PACS2: variants seen among roughly 807,000 people sequenced by gnomAD.
The protein encoded by PACS2 is PACS1-like protein.
In PACS2, 36 loss-of-function variants were observed where a neutral mutation model predicts 113.0. The ratio of observed to expected loss-of-function variants is 0.32; its 90% CI spans 0.24 to 0.42. The LOEUF is 0.42. PACS2 is among the 10% of genes least tolerant of loss of function. The pLI is 1.00. For synonymous variants in PACS2, 589 were observed against 536.1 expected (o/e 1.10, Z -1.36); for missense variants, 1,015 against 1,239.5 (o/e 0.82, Z 2.72).
Position 105,355,077 on chromosome 14 carries a change from G to A in PACS2, c.323G>A (p.Gly108Asp). ...TATCCTCACTTCTTGAAGAGGGAAGGCAACAAGCTTCAGATCATGCTGCAG... is the reference window on the plus strand; with the variant it reads ...TATCCTCACTTCTTGAAGAGGGAAGACAACAAGCTTCAGATCATGCTGCAG... ...LQYPHFLKRE[G>D]NKLQIMLQRR... Residue 108 changes from glycine to aspartate, a missense_variant, in exon 4 of 25, where the codon GGC becomes GAC. Gly to Asp is a moderately conservative substitution (Grantham distance 94). Around this residue, in one of 3 missense-constraint regions of PACS2, gnomAD observed 140 missense variants for 135.1 expected, o/e 1.04. Transcript: ENST00000447393. The surrounding 1 kb of genome is among the most constrained non-coding windows in gnomAD (Gnocchi z 4.1). The A allele has an allele frequency of 6.2e-7, 1 of 1,613,554 alleles. No individual in the cohort carries two copies. Among genetic ancestry groups the A allele is most frequent in the Non-Finnish European group, 8.5e-7 (1 of 1,179,894 alleles).
chr14:105,397,342 G>GT lies in PACS2; in HGVS notation c.*2670_*2671insT, dbSNP rs1555417167. On this transcript the variant is annotated 3_prime_UTR_variant, in exon 25 of 25. Coordinates refer to ENST00000447393, the MANE Select transcript of PACS2 (RefSeq NM_001100913.3). ...CCATCTGACAGCCAGTGCGGTAAGG[G>GT]CGGGGGATGTGTGTGTGAGGTGTGC... 6.6e-6 allele frequency: 1 copy of GT among 152,496 alleles called. No homozygotes were observed. Among genetic ancestry groups the GT allele is most frequent in the Admixed American group, 6.5e-5 (1 of 15,288 alleles). 9.4% of individuals were successfully genotyped at this position (152,496 alleles called of 1,614,324 possible).
Position 105,354,964 on chromosome 14 carries a change from G to A in PACS2, c.298-88G>A. The A allele has an allele frequency of 7.1e-7, 1 of 1,407,008 alleles. No individual in the cohort carries two copies. Among genetic ancestry groups the A allele is most frequent in the Non-Finnish European group, 9.8e-7 (1 of 1,023,642 alleles). The allele number at this position is 1,407,008 out of a possible 1,614,324, so 87.2% of individuals were successfully genotyped here. A position where few individuals can be genotyped will look rare whatever the true frequency, so the allele number is the denominator to read the frequency against. ...TGGGCAGCAGGTTGGCCTGGTCGCA[G>A]GCTGCAGGGTGGCTGGGCCGTCAGA... On this transcript the variant is annotated intron_variant, in intron 3 of 24. Coordinates refer to ENST00000447393, the MANE Select transcript of PACS2 (RefSeq NM_001100913.3). The surrounding 1 kb of genome is among the most constrained non-coding windows in gnomAD (Gnocchi z 4.2).
intron 24 of PACS2, among the ~76,000 whole-genome samples, chr14:105,393,929 C>G (rs2081451915): frequency 1.3e-5 from 2 of 151,056 alleles, no homozygotes; most frequent in Admixed American, 1.3e-4. Flanking sequence ...GTTGGCTGAG[C>G]GCAGAGGCTG....
Position 105,376,121 on chromosome 14 carries a change from G to A in PACS2, c.802-647G>A, listed in dbSNP as rs77852993. Among the ~76,000 whole-genome samples, 2,990 of 152,174 alleles carry A rather than the reference G, an allele frequency of 0.02. 59 individuals carry two copies. The highest frequency in any genetic ancestry group is 0.026 in the Non-Finnish European group (1,744 of 67,998). ...ATGTGCTCATTATCATGAGAACAGC[G>A]TGGAGGAAACCACCCCCAGGATCCA... On this transcript the variant is annotated intron_variant, in intron 8 of 24. Transcript: ENST00000447393. The surrounding 1 kb of genome is among the most constrained non-coding windows in gnomAD (Gnocchi z 4.7).
In PACS2 at chr14:105,385,669, G is replaced by T. The variant is rs961067834; in HGVS notation, c.2001-16G>T. On this transcript the variant is annotated splice_polypyrimidine_tract_variant and intron_variant, in intron 18 of 24. Coordinates refer to ENST00000447393, the MANE Select transcript of PACS2 (RefSeq NM_001100913.3). ...CGTAACGTGTCTGTTTTCTCTTTTGGTGGCTTTCTGAAAAGGAAAAAGCAT... is the reference window on the plus strand; with the variant it reads ...CGTAACGTGTCTGTTTTCTCTTTTGTTGGCTTTCTGAAAAGGAAAAAGCAT... 3 of 1,517,680 alleles carry T rather than the reference G, an allele frequency of 2.0e-6. No homozygotes were observed. The highest frequency in any genetic ancestry group is 2.6e-6 in the Non-Finnish European group (3 of 1,135,092). 94.0% of individuals were successfully genotyped at this position (1,517,680 alleles called of 1,614,324 possible). A position where few individuals can be genotyped will look rare whatever the true frequency, so the allele number is the denominator to read the frequency against.
At chr14:105,350,241 G>A (rs587635666) in intron 2 of PACS2, among the ~76,000 whole-genome samples, 2 of 152,148 alleles carry the variant, frequency 1.3e-5, no homozygotes, top group African/African-American at 4.8e-5. Context: ...TCTTGGCTTG[G>A]GGGGCAGGGG....
intron 20 of PACS2, chr14:105,390,936 A>G (rs1178695472): frequency 3.8e-6 from 2 of 525,546 alleles, no homozygotes; most frequent in African/African-American, 1.9e-5. Flanking sequence ...CTGCACACAT[A>G]GTTTGCAGCT....
rs1360983296 is a variant in PACS2 at position 105,357,265 on chromosome 14, C to G, written c.423+2088C>G. On this transcript the variant is annotated intron_variant, in intron 4 of 24. Coordinates refer to ENST00000447393, the MANE Select transcript of PACS2 (RefSeq NM_001100913.3). The surrounding 1 kb of genome is among the most constrained non-coding windows in gnomAD (Gnocchi z 5.1). ...CCCGGGGAGAGGCTGGAGCAACCTT[C>G]CCCCACCCCAGGTCACACCAGCCAC... is the stretch of plus-strand genomic sequence containing the variant. Among the ~76,000 whole-genome samples the G allele has an allele frequency of 6.6e-6, 1 of 152,042 alleles. No homozygotes were observed. Among genetic ancestry groups the G allele is most frequent in the Non-Finnish European group, 1.5e-5 (1 of 67,996 alleles).
At chr14:105,384,714 C>T (rs1438679159) in intron 17 of PACS2, among the ~76,000 whole-genome samples, 165 bp from the exon 18 acceptor site, 1 of 152,204 alleles carries the variant, frequency 6.6e-6, no homozygotes, top group Non-Finnish European at 1.5e-5. Flanking sequence ...TGCCCTGGTA[C>T]TGCCTCGAGA....
At chr14:105,307,613 C>A (rs890871827) in intron 1 of PACS2, among the ~76,000 whole-genome samples, 30 of 152,354 alleles carry the variant, frequency 2.0e-4, no homozygotes, top group African/African-American at 7.2e-4. Flanking sequence ...CCTGTCCCCC[C>A]ATGCAGCAGT....
rs964518820 is a variant in PACS2, at chr14:105,356,061, G to A, written c.423+884G>A. ...CCAGCGCAGCCCCTCATTGGGAGCC[G>A]GAGATGCCAGAGCCCCCCAGCCCCT... On this transcript the variant is annotated intron_variant, in intron 4 of 24. Transcript: ENST00000447393. The surrounding 1 kb of genome is among the most constrained non-coding windows in gnomAD (Gnocchi z 4.0). Among the ~76,000 whole-genome samples, 1 of 152,144 alleles carries A rather than the reference G, an allele frequency of 6.6e-6. No homozygotes were observed. Among genetic ancestry groups the A allele is most frequent in the African/African-American group, 2.4e-5 (1 of 41,430 alleles).
At chr14:105,353,952 C>T (rs1210066447) in intron 3 of PACS2, among the ~76,000 whole-genome samples, 1 of 151,742 alleles carries the variant, frequency 6.6e-6, no homozygotes, top group Non-Finnish European at 1.5e-5. Flanking sequence ...TGGCTCATGC[C>T]TGTAATCCCA....
At position 105,348,284 on chromosome 14, in the gene PACS2, C is replaced by T. The variant is rs1555403094; in HGVS notation, c.120-209C>T. 6.6e-6 allele frequency among the ~76,000 whole-genome samples: 1 copy of T among 152,172 alleles called. No individual in the cohort carries two copies. Among genetic ancestry groups the T allele is most frequent in the Non-Finnish European group, 1.5e-5 (1 of 68,012 alleles). Reference sequence around the variant, plus strand: ...GAGATGGGACCTCTGGCCCGGCAGCCAACGGATGCTGAGGGGTGCCCACCA... The same window carrying T: ...GAGATGGGACCTCTGGCCCGGCAGCTAACGGATGCTGAGGGGTGCCCACCA... On this transcript the variant is annotated intron_variant, in intron 1 of 24. Coordinates refer to ENST00000447393, the MANE Select transcript of PACS2 (RefSeq NM_001100913.3). The surrounding 1 kb of genome is among the most constrained non-coding windows in gnomAD (Gnocchi z 6.4).
Position 105,376,080 on chromosome 14 carries a change from C to T in PACS2, c.802-688C>T, listed in dbSNP as rs1404818327. On this transcript the variant is annotated intron_variant, in intron 8 of 24. Coordinates refer to ENST00000447393, the MANE Select transcript of PACS2 (RefSeq NM_001100913.3). This position sits in a 1 kb window ranked among gnomAD's most constrained non-coding sequence, Gnocchi z 4.7. ...GGGAAATACAAGATGCTTATAAAAC[C>T]ATCAGATCTCTTAAGATGTGCTCAT... Among the ~76,000 whole-genome samples, 1 of 152,064 alleles carries T rather than the reference C, an allele frequency of 6.6e-6. No homozygotes were observed. Among genetic ancestry groups the T allele is most frequent in the East Asian group, 1.9e-4 (1 of 5,184 alleles).
At chr14:105,393,018 G>A (rs1194059563) in intron 23 of PACS2, among the ~76,000 whole-genome samples, 173 bp downstream of exon 23, 1 of 152,208 alleles carries the variant, frequency 6.6e-6, no homozygotes, top group African/African-American at 2.4e-5. Flanking sequence ...TGAGGGTCAG[G>A]TGCTTCTGAC....
At chr14:105,381,264 C>T (rs1168418871) in intron 12 of PACS2, among the ~76,000 whole-genome samples, 165 bp downstream of exon 12, 1 of 152,184 alleles carries the variant, frequency 6.6e-6, no homozygotes, top group Non-Finnish European at 1.5e-5. Flanking sequence ...AGAAGCAAAC[C>T]CCCTGGCCCG....
intron 1 of PACS2, among the ~76,000 whole-genome samples, chr14:105,333,258 C>G (rs1714986604): frequency 6.6e-6 from 1 of 152,258 alleles, no homozygotes; most frequent in African/African-American, 2.4e-5. Context: ...GAGTCATCCT[C>G]CTGCCCACAG....
Position 105,365,988 on chromosome 14 carries a change from CT to C in PACS2, c.424-1221del, listed in dbSNP as rs2060929812. Among the ~76,000 whole-genome samples the C allele has an allele frequency of 6.6e-6, 1 of 152,256 alleles. No homozygotes were observed. Among genetic ancestry groups the C allele is most frequent in the South Asian group, 2.1e-4 (1 of 4,834 alleles). The stretch of plus-strand genomic sequence containing the variant: ...AAATGAAGATGAGGGCAAATGTAAA[CT>C]TTTAAACATTTTTTTACCTTGATTA... On this transcript the variant is annotated intron_variant, in intron 4 of 24. Coordinates refer to ENST00000447393, the MANE Select transcript of PACS2 (RefSeq NM_001100913.3). The surrounding 1 kb of genome is among the most constrained non-coding windows in gnomAD (Gnocchi z 5.1).
intron 4 of PACS2, among the ~76,000 whole-genome samples, chr14:105,361,282 T>A (rs1312160229): frequency 6.6e-6 from 1 of 152,126 alleles, no homozygotes; most frequent in Admixed American, 6.6e-5. Flanking sequence ...TCATTTGAGG[T>A]CAGGAGTTCT....
Sources: gnomAD v4.1 joint callset for allele counts (sites outside exome capture counted in the v4.1 genomes callset) on GRCh38, gnomAD v4.1.1 for gene constraint, gnomAD v4.1.1 regional missense constraint, Gnocchi (gnomAD v3.1) non-coding constraint, MANE v1.5 for transcripts, NCBI Gene and HGNC (gene_info 2026-07-23, HGNC 2026-07-21) for gene names.